The following MTMR7 variants were observed in gnomAD, a reference collection of about 807,000 sequenced individuals.
MTMR7 encodes the protein myotubularin related protein 7, also known as phosphatidylinositol-3-phosphate phosphatase MTMR7.
A neutral mutation model predicts 81.2 loss-of-function variants in MTMR7; 76 were observed. The ratio of observed to expected loss-of-function variants is 0.94; its 90% CI spans 0.78 to 1.13. The LOEUF (loss-of-function observed/expected upper bound fraction) is 1.13. Ranked by LOEUF, MTMR7 falls within the 50% of genes most tolerant of loss-of-function variation. The probability of loss-of-function intolerance (pLI) is 0.00; values close to 1 mark genes in which losing one functional copy is unlikely to be tolerated. For synonymous variants in MTMR7, 372 were observed against 289.8 expected (o/e 1.28, Z -2.88); for missense variants, 1,044 against 820.0 (o/e 1.27, Z -3.34).
intron 10 of MTMR7, among the ~76,000 whole-genome samples, chr8:17,307,435 G>A (rs1364908924): frequency 1.3e-5 from 2 of 152,168 alleles, no homozygotes; most frequent in African/African-American, 4.8e-5. Flanking sequence ...TACACTGTTG[G>A]TGGGACTGTA....
At chr8:17,353,396 C>G (rs560828726) in intron 4 of MTMR7, among the ~76,000 whole-genome samples, 1 of 152,114 alleles carries the variant, frequency 6.6e-6, no homozygotes, top group Non-Finnish European at 1.5e-5. Context: ...CACTCCTAAA[C>G]TATACCTTAA....
intron 9 of MTMR7, among the ~76,000 whole-genome samples, chr8:17,311,182 G>A (rs1320182283): frequency 1.3e-5 from 2 of 152,052 alleles, no homozygotes; most frequent in African/African-American, 2.4e-5. Flanking sequence ...ACATATTCAT[G>A]TTACCTCAAA....
intron 7 of MTMR7, among the ~76,000 whole-genome samples, chr8:17,316,735 G>T (rs4921751): frequency 0.25 from 37,494 of 151,994 alleles, 4,956 homozygotes; most frequent in African/African-American, 0.32. Context: ...CACCTACATT[G>T]TATTAAGTAT....
At chr8:17,409,276 T>C (rs186396952) in intron 1 of MTMR7, among the ~76,000 whole-genome samples, 3 of 152,066 alleles carry the variant, frequency 2.0e-5, no homozygotes, top group African/African-American at 7.2e-5. Context: ...CTGGCCAACA[T>C]AGTGAAACCC....
rs1201583217 is a variant in MTMR7, at chr8:17,341,459, G to A, written c.636C>T (p.Phe212=). 1.2e-6 allele frequency: 2 copies of A among 1,614,034 alleles called. No individual in the cohort carries two copies. The highest frequency in any genetic ancestry group is 1.7e-6 in the Non-Finnish European group (2 of 1,180,056). The change falls in exon 6 of 14, where the codon TTC becomes TTT. Residue 212 remains phenylalanine (F), a synonymous_variant. Transcript: ENST00000180173. Reference sequence around the variant, plus strand: ...GCTCGTCCTCTAGGCACCGGGCACTGAAGCCGGACAGGGGCTGGCTGCTCC... The same window carrying A: ...GCTCGTCCTCTAGGCACCGGGCACTAAAGCCGGACAGGGGCTGGCTGCTCC... The part of the protein sequence containing the change: ...ICRSSQPLSG[F]SARCLEDEQM...
intron 4 of MTMR7, among the ~76,000 whole-genome samples, chr8:17,356,169 T>C (rs767115778): frequency 6.6e-6 from 1 of 152,162 alleles, no homozygotes; most frequent in Non-Finnish European, 1.5e-5. Context: ...ATTCACCATA[T>C]TGTGTCTTGC....
intron 1 of MTMR7, among the ~76,000 whole-genome samples, chr8:17,386,825 C>T (rs562205163): frequency 1.1e-4 from 16 of 152,306 alleles, no homozygotes; most frequent in East Asian, 1.9e-4. Context: ...ATTGGCAGTA[C>T]GCCACACACC....
chr8:17,345,963 CAAAT>C (rs917127279), intron 5 of MTMR7: 2 of 152,170 alleles, frequency 1.3e-5, no homozygotes, highest in Admixed American at 6.5e-5. Flanking sequence ...TAAAATGTCT[CAAAT>C]AACCAAAGAG....
At chr8:17,307,280 A>C (rs13267343) in intron 10 of MTMR7, among the ~76,000 whole-genome samples, 17,564 of 152,250 alleles carry the variant, frequency 0.12, 1,369 homozygotes, top group Non-Finnish European at 0.18. Context: ...AAGACACATG[A>C]AAAAATGCTC....
At chr8:17,343,362 A>G (rs1279913767) in intron 5 of MTMR7, among the ~76,000 whole-genome samples, 1 of 152,104 alleles carries the variant, frequency 6.6e-6, no homozygotes, top group Admixed American at 6.5e-5. Context: ...CCCGACAGGC[A>G]GAGTTTGCAG....
intron 7 of MTMR7, among the ~76,000 whole-genome samples, chr8:17,325,981 T>C (rs1240646998): frequency 6.6e-6 from 1 of 152,228 alleles, no homozygotes. Context: ...CTTTATAGTT[T>C]GCAAGAAATC....
At chr8:17,391,830 A>G (rs2150578092) in intron 1 of MTMR7, among the ~76,000 whole-genome samples, 1 of 152,354 alleles carries the variant, frequency 6.6e-6, no homozygotes. Flanking sequence ...TAAAGTTGTC[A>G]TAGCCTGCCA....
intron 6 of MTMR7, among the ~76,000 whole-genome samples, chr8:17,331,757 C>G (rs1308901923): frequency 6.6e-6 from 1 of 152,158 alleles, no homozygotes. Context: ...TTGCATCATT[C>G]TAATTTGCCC....
At chr8:17,357,780 G>C (rs965587930) in intron 4 of MTMR7, among the ~76,000 whole-genome samples, 19 of 152,286 alleles carry the variant, frequency 1.2e-4, no homozygotes, top group African/African-American at 4.3e-4. Flanking sequence ...AGGAACATCT[G>C]GGAAATTAAC....
At chr8:17,312,776 C>G (rs925605471) in intron 8 of MTMR7, among the ~76,000 whole-genome samples, 1 of 152,192 alleles carries the variant, frequency 6.6e-6, no homozygotes, top group Admixed American at 6.5e-5. Context: ...ATATGGTTCT[C>G]TTTAGGTATA....
At chr8:17,397,784 G>A (rs1821306788) in intron 1 of MTMR7, among the ~76,000 whole-genome samples, 1 of 152,180 alleles carries the variant, frequency 6.6e-6, no homozygotes, top group Admixed American at 6.5e-5. Flanking sequence ...GTGCTGTGCT[G>A]GCTTCAAGTC....
At chr8:17,331,905 T>A (rs1213758782) in intron 6 of MTMR7, among the ~76,000 whole-genome samples, 1 of 152,204 alleles carries the variant, frequency 6.6e-6, no homozygotes, top group African/African-American at 2.4e-5. Context: ...GGCTTTTTGA[T>A]CACTTTCATT....
At chr8:17,361,559 G>T (rs1820062097) in intron 3 of MTMR7, among the ~76,000 whole-genome samples, 1 of 152,102 alleles carries the variant, frequency 6.6e-6, no homozygotes, top group Non-Finnish European at 1.5e-5. Context: ...TGCTTTAAAA[G>T]CAAATATATT....
At chr8:17,408,570 A>C (rs1374559994) in intron 1 of MTMR7, among the ~76,000 whole-genome samples, 1 of 152,140 alleles carries the variant, frequency 6.6e-6, no homozygotes, top group Non-Finnish European at 1.5e-5. Context: ...CAAGATCCTG[A>C]GAGATGGGGG....
Sources: gnomAD v4.1 joint callset for allele counts (sites outside exome capture counted in the v4.1 genomes callset) on GRCh38, gnomAD v4.1.1 for gene constraint, MANE v1.5 for transcripts, NCBI Gene and HGNC (gene_info 2026-07-23, HGNC 2026-07-21) for gene names.